EXOC6B: variants seen among roughly 807,000 people sequenced by gnomAD.
The protein encoded by EXOC6B is SEC15 homolog B.
EXOC6B carries 54 observed loss-of-function variants against 113.5 expected under a neutral mutation model. The ratio of observed to expected loss-of-function variants is 0.48; its 90% CI spans 0.38 to 0.60. EXOC6B has a LOEUF of 0.60. Ranked by LOEUF, EXOC6B falls within the 20% of genes least tolerant of loss-of-function variation. The pLI, the probability that EXOC6B is intolerant of heterozygous loss-of-function variation, is 0.00. For synonymous variants in EXOC6B, 357 were observed against 339.0 expected, an observed-to-expected ratio of 1.05 and a Z score of -0.58; for missense variants, 797 against 977.5, an observed-to-expected ratio of 0.82 and a Z score of 2.46.
chr2:72,199,937 C>A (rs889524069), intron 20 of EXOC6B, among the ~76,000 whole-genome samples: 1 of 152,116 alleles, frequency 6.6e-6, no homozygotes, highest in Admixed American at 6.6e-5. Context: ...ATTCTTCTCA[C>A]CCAGACTGGA....
At chr2:72,643,868 C>CA (rs1673469723) in intron 6 of EXOC6B, among the ~76,000 whole-genome samples, 2 of 149,008 alleles carry the variant, frequency 1.3e-5, no homozygotes, top group South Asian at 2.2e-4. Flanking sequence ...GCTGAAAATT[C>CA]AAAAAAACAG....
chr2:72,345,569 A>C (rs1254353246), intron 19 of EXOC6B, among the ~76,000 whole-genome samples: 1 of 152,196 alleles, frequency 6.6e-6, no homozygotes, highest in African/African-American at 2.4e-5. Context: ...AAATGACAGA[A>C]GCCAATCAAA....
intron 8 of EXOC6B, among the ~76,000 whole-genome samples, chr2:72,529,652 G>A (rs1231261552): frequency 6.6e-6 from 1 of 152,082 alleles, no homozygotes; most frequent in East Asian, 1.9e-4. Flanking sequence ...TTTTAGAGAT[G>A]GGATCTCACT....
At chr2:72,782,229 T>G (rs544247732) in intron 1 of EXOC6B, among the ~76,000 whole-genome samples, 1 of 152,172 alleles carries the variant, frequency 6.6e-6, no homozygotes, top group East Asian at 1.9e-4. Flanking sequence ...GACCGTTTCT[T>G]GTTTCTTCCC....
At chr2:72,752,383 T>C (rs1007914232) in intron 1 of EXOC6B, among the ~76,000 whole-genome samples, 1 of 152,100 alleles carries the variant, frequency 6.6e-6, no homozygotes, top group Non-Finnish European at 1.5e-5. Flanking sequence ...GGTTATTCCA[T>C]CAATACTTTC....
At chr2:72,579,271 G>T (rs1205599625) in intron 6 of EXOC6B, among the ~76,000 whole-genome samples, 4 of 152,096 alleles carry the variant, frequency 2.6e-5, no homozygotes, top group Non-Finnish European at 5.9e-5. Flanking sequence ...TAAGTTGAAT[G>T]CAGGATAAAA....
chr2:72,283,715 A>ACG (rs1685261774), intron 20 of EXOC6B, among the ~76,000 whole-genome samples: 1 of 152,150 alleles, frequency 6.6e-6, no homozygotes, highest in Non-Finnish European at 1.5e-5. Context: ...GATCTGCCCC[A>ACG]GGAGAAACTA....
intron 8 of EXOC6B, among the ~76,000 whole-genome samples, chr2:72,550,801 C>T (rs891568286): frequency 5.3e-5 from 8 of 151,986 alleles, no homozygotes; most frequent in Non-Finnish European, 1.2e-4. Context: ...AGACCAGAAC[C>T]CCTATCTACA....
rs773524078 is a variant in EXOC6B, at chr2:72,718,255, G to C, written c.517C>G (p.Gln173Glu). 1.9e-6 allele frequency: 3 copies of C among 1,613,828 alleles called. No individual in the cohort carries two copies. The highest frequency in any genetic ancestry group is 2.5e-6 in the Non-Finnish European group (3 of 1,179,794). Residue 173 changes from glutamine (Q) to glutamate (E), a missense_variant, in exon 6 of 22, where the codon CAA becomes GAA. Transcript: ENST00000272427. ...LEHLEHTYLP[Q>E]VSHYRFCKVM... ...TTGCAGAATCGATAGTGGCTTACTT[G>C]AGGCAGGTAGGTATGCTCTAGATGT... is the stretch of plus-strand genomic sequence containing the variant.
At chr2:72,285,994 T>A (rs1685397172) in intron 20 of EXOC6B, among the ~76,000 whole-genome samples, 1 of 152,160 alleles carries the variant, frequency 6.6e-6, no homozygotes, top group African/African-American at 2.4e-5. Flanking sequence ...AAACACCAAA[T>A]GCTGATGAGA....
chr2:72,390,040 G>A (rs1381662675), intron 18 of EXOC6B, among the ~76,000 whole-genome samples: 4 of 152,082 alleles, frequency 2.6e-5, no homozygotes, highest in Admixed American at 6.5e-5. Context: ...AGCCGAGATC[G>A]CACCACTGCA....
intron 6 of EXOC6B, among the ~76,000 whole-genome samples, chr2:72,700,513 T>C (rs2104632088): frequency 6.6e-6 from 1 of 152,326 alleles, no homozygotes; most frequent in Non-Finnish European, 1.5e-5. Context: ...AAATATTTCA[T>C]TTGTTCAATC....
At chr2:72,196,678 C>T (rs1679189464) in intron 20 of EXOC6B, among the ~76,000 whole-genome samples, 1 of 152,148 alleles carries the variant, frequency 6.6e-6, no homozygotes, top group South Asian at 2.1e-4. Context: ...TTCTGCCTCC[C>T]AAACATTTTG....
chr2:72,337,558 T>C (rs1688762123), intron 19 of EXOC6B, among the ~76,000 whole-genome samples: 1 of 152,168 alleles, frequency 6.6e-6, no homozygotes. Flanking sequence ...CTGGATGTGA[T>C]ACATATTTAG....
chr2:72,816,483 T>A (rs1453216253), intron 1 of EXOC6B, among the ~76,000 whole-genome samples: 1 of 152,108 alleles, frequency 6.6e-6, no homozygotes, highest in African/African-American at 2.4e-5. Context: ...CCTATTTGCA[T>A]AAGAAAGCAA....
At chr2:72,617,221 T>C (rs752086777) in intron 6 of EXOC6B, among the ~76,000 whole-genome samples, 2 of 152,192 alleles carry the variant, frequency 1.3e-5, no homozygotes, top group Non-Finnish European at 2.9e-5. Context: ...CCTGGCTGCT[T>C]TCACAGGCTG....
chr2:72,741,718 T>C (rs577730408), intron 1 of EXOC6B, among the ~76,000 whole-genome samples: 2 of 152,348 alleles, frequency 1.3e-5, no homozygotes, highest in East Asian at 3.9e-4. Flanking sequence ...AAAGACTGAA[T>C]TACAACTCCC....
intron 20 of EXOC6B, among the ~76,000 whole-genome samples, chr2:72,252,333 C>T (rs1683074622): frequency 6.6e-6 from 1 of 152,058 alleles, no homozygotes; most frequent in Admixed American, 6.6e-5. Flanking sequence ...AATACACATC[C>T]CTACTGTCTA....
chr2:72,820,617 C>G (rs1335833988), intron 1 of EXOC6B, among the ~76,000 whole-genome samples: 2 of 152,014 alleles, frequency 1.3e-5, no homozygotes, highest in Admixed American at 1.3e-4. Flanking sequence ...GGCTAGCTAG[C>G]AAAAATCACA....
Sources: allele counts gnomAD v4.1 joint callset (sites outside exome capture counted in the v4.1 genomes callset), GRCh38; gene constraint gnomAD v4.1.1; transcripts MANE v1.5; gene names NCBI Gene and HGNC (gene_info 2026-07-23, HGNC 2026-07-21).